The following TRPM3 variants were observed in gnomAD, a reference collection of about 807,000 sequenced individuals.
TRPM3 encodes transient receptor potential cation channel subfamily M member 3, also known as long transient receptor potential channel 3.
A neutral mutation model predicts 181.2 loss-of-function variants in TRPM3; 77 were observed. That is an observed-to-expected ratio of 0.42 (90% CI 0.35 to 0.51). The LOEUF is 0.51. Among genes scored for constraint, TRPM3 ranks in the 20% least tolerant of loss-of-function variants. TRPM3 has a pLI of 0.01. For missense variants in TRPM3, 1,759 were observed against 2,196.7 expected (o/e 0.80, Z 3.98); for synonymous variants, 745 against 796.4 (o/e 0.94, Z 1.09).
At chr9:70,694,176 G>GT (rs947531143) in intron 8 of TRPM3, among the ~76,000 whole-genome samples, 12 of 152,058 alleles carry the variant, frequency 7.9e-5, no homozygotes, top group South Asian at 2.1e-4. Context: ...AGTTTCCTGG[G>GT]TTTTTTTTGT....
At chr9:71,078,710 A>G (rs887285186) in intron 1 of TRPM3, among the ~76,000 whole-genome samples, 1 of 152,228 alleles carries the variant, frequency 6.6e-6, no homozygotes, top group Non-Finnish European at 1.5e-5. Flanking sequence ...CTTGCTTTTT[A>G]AATAGTATAA....
At chr9:70,777,075 C>T (rs1476956742) in intron 7 of TRPM3, among the ~76,000 whole-genome samples, 1 of 152,046 alleles carries the variant, frequency 6.6e-6, no homozygotes, top group African/African-American at 2.4e-5. Context: ...CAAGAGTTAG[C>T]TAAGGAAATC....
intron 1 of TRPM3, among the ~76,000 whole-genome samples, chr9:70,894,879 C>T (rs978271939): frequency 5.3e-5 from 8 of 152,128 alleles, no homozygotes; most frequent in South Asian, 2.1e-4. Flanking sequence ...GGACCTATTG[C>T]GGTGCTGAAG....
At chr9:71,218,601 A>G (rs1465155039) in intron 1 of TRPM3, among the ~76,000 whole-genome samples, 1 of 152,122 alleles carries the variant, frequency 6.6e-6, no homozygotes, top group African/African-American at 2.4e-5. Context: ...TGATATGACC[A>G]TTCTCTTTTG....
chr9:71,107,894 T>G (rs1455698734), intron 1 of TRPM3, among the ~76,000 whole-genome samples: 1 of 152,206 alleles, frequency 6.6e-6, no homozygotes, highest in Non-Finnish European at 1.5e-5. Flanking sequence ...ATGTGCTATT[T>G]TCTTTCTTTT....
chr9:70,906,298 G>A (rs1437020018), intron 1 of TRPM3, among the ~76,000 whole-genome samples: 1 of 152,078 alleles, frequency 6.6e-6, no homozygotes, highest in East Asian at 1.9e-4. Context: ...GAGGAGGGAT[G>A]AAAAGAAAAT....
At chr9:71,125,423 A>T (rs948208600), upstream of TRPM3, among the ~76,000 whole-genome samples, 2 of 152,030 alleles carry the variant, frequency 1.3e-5, no homozygotes, top group African/African-American at 4.8e-5. Flanking sequence ...TTTAGCTCCC[A>T]CTTATAAATG....
chr9:71,236,961 C>T (rs932324152), intron 1 of TRPM3, among the ~76,000 whole-genome samples: 4 of 147,660 alleles, frequency 2.7e-5, no homozygotes, highest in Non-Finnish European at 4.5e-5. Context: ...GCATAAGAAT[C>T]GCTTGAACCT....
intron 1 of TRPM3, among the ~76,000 whole-genome samples, chr9:70,878,735 T>A (rs542650701): frequency 1.3e-5 from 2 of 152,162 alleles, no homozygotes; most frequent in South Asian, 4.1e-4. Context: ...CCAACACCAG[T>A]TTATGAACCA....
chr9:70,586,795 G>A (rs2057211992), intron 22 of TRPM3, among the ~76,000 whole-genome samples: 2 of 152,172 alleles, frequency 1.3e-5, no homozygotes, highest in South Asian at 4.1e-4. Context: ...CGTTCATGCT[G>A]CTCTAAACTT....
intron 1 of TRPM3, among the ~76,000 whole-genome samples, chr9:71,143,288 G>T (rs1226766480): frequency 1.3e-5 from 2 of 151,990 alleles, no homozygotes; most frequent in Admixed American, 1.3e-4. Context: ...CATAATGCAG[G>T]TATTAAACCT....
chr9:71,300,198 A>C (rs183787932), intron 1 of TRPM3, among the ~76,000 whole-genome samples: 1 of 152,162 alleles, frequency 6.6e-6, no homozygotes, highest in African/African-American at 2.4e-5. Context: ...GTAACCTTAT[A>C]AACATTAGAA....
Position 71,400,728 on chromosome 9 carries a change from T to C in TRPM3, c.183+45925A>G, listed in dbSNP as rs13286604. On this transcript the variant is annotated intron_variant, in intron 1 of 24. Coordinates refer to the TRPM3 transcript ENST00000357533. Reference sequence around the variant, plus strand: ...TAATCTACTGCCAAAATATTAATACTGTACCAAAAGCAAACGGTTTGGTTC... The same window carrying C: ...TAATCTACTGCCAAAATATTAATACCGTACCAAAAGCAAACGGTTTGGTTC... 7.2e-3 allele frequency among the ~76,000 whole-genome samples: 1,091 copies of C among 152,152 alleles called. 1 individual carries two copies. Among genetic ancestry groups the C allele is most frequent in the Non-Finnish European group, 0.012 (842 of 67,996 alleles).
chr9:70,552,761 G>T, intron 24 of TRPM3, 83 bp downstream of exon 24: 1 of 1,410,424 alleles, frequency 7.1e-7, no homozygotes, highest in Non-Finnish European at 1.0e-6. Flanking sequence ...GGAACTAGGT[G>T]GGCATGCGAT....
chr9:70,648,506 CA>C (rs1208980320), intron 9 of TRPM3, among the ~76,000 whole-genome samples: 1 of 151,864 alleles, frequency 6.6e-6, no homozygotes, highest in East Asian at 1.9e-4. Flanking sequence ...ATTTAATATG[CA>C]ACCCAAAAAG....
chr9:71,065,343 TTTC>T (rs1339318853), intron 1 of TRPM3, among the ~76,000 whole-genome samples: 3 of 152,186 alleles, frequency 2.0e-5, no homozygotes, highest in Non-Finnish European at 2.9e-5. Context: ...AGCTCTGTTC[TTTC>T]TTAATACTGA....
intron 25 of TRPM3, among the ~76,000 whole-genome samples, chr9:70,549,119 C>T (rs961119276): frequency 2.6e-5 from 4 of 152,006 alleles, no homozygotes; most frequent in Non-Finnish European, 4.4e-5. Context: ...TGTTGGGCAC[C>T]CATATAAGGC....
chr9:70,899,799 T>G (rs1589639527), intron 1 of TRPM3, among the ~76,000 whole-genome samples: 1 of 152,330 alleles, frequency 6.6e-6, no homozygotes, highest in East Asian at 1.9e-4. Context: ...GCTTTATTGC[T>G]ATAGACGTAG....
At chr9:70,817,024 A>G (rs1393522140) in intron 6 of TRPM3, among the ~76,000 whole-genome samples, 4 of 152,226 alleles carry the variant, frequency 2.6e-5, no homozygotes, top group Non-Finnish European at 5.9e-5. Flanking sequence ...ATACACAGAC[A>G]TATCTTATTT....
Sources: gnomAD v4.1 joint callset for allele counts (sites outside exome capture counted in the v4.1 genomes callset) on GRCh38, gnomAD v4.1.1 for gene constraint, MANE v1.5 for transcripts, NCBI Gene and HGNC (gene_info 2026-07-23, HGNC 2026-07-21) for gene names.